Variants in PTER observed in about 807,000 individuals in gnomAD.
PTER encodes the protein N-acetyltaurine hydrolase.
A neutral mutation model predicts 29.6 loss-of-function variants in PTER; 38 were observed. The observed-to-expected ratio is 1.28, with a 90% CI of 0.99 to 1.68. PTER has a LOEUF of 1.68. Ranked by LOEUF, PTER falls within the 40% of genes most tolerant of loss-of-function variation. The pLI is 0.00. For missense variants in PTER, 482 were observed against 427.8 expected (o/e 1.13, Z -1.12); for synonymous variants, 172 against 154.5 (o/e 1.11, Z -0.84).
chr10:16,452,220 C>CACACACACACACAT (rs1282331852), intron 1 of PTER, among the ~76,000 whole-genome samples: 9 of 145,036 alleles, frequency 6.2e-5, no homozygotes, highest in East Asian at 2.0e-4. Context: ...CACACACACA[C>CACACACACACACAT]ATATATATAC....
chr10:16,488,286 C>G (rs939189585), intron 3 of PTER, among the ~76,000 whole-genome samples: 1 of 151,988 alleles, frequency 6.6e-6, no homozygotes, highest in Admixed American at 6.6e-5. Flanking sequence ...TTCTAACTCT[C>G]ATTGGTGTAA....
intron 4 of PTER, among the ~76,000 whole-genome samples, chr10:16,508,227 C>A (rs1836663560): frequency 6.6e-6 from 1 of 151,914 alleles, no homozygotes; most frequent in Admixed American, 6.6e-5. Flanking sequence ...CGCCACCACG[C>A]CCGGCTAATT....
chr10:16,459,013 G>GA (rs1834510155), intron 1 of PTER, among the ~76,000 whole-genome samples: 1 of 152,042 alleles, frequency 6.6e-6, no homozygotes. Flanking sequence ...AGTGCAAAGG[G>GA]AAAAAAGATT....
Position 16,466,285 on chromosome 10 carries a change from T to A in PTER, c.-48-18052T>A, listed in dbSNP as rs1332345291. Reference sequence around the variant, plus strand: ...CCCTGCTAGTGGCTGTCAGACCTTTTTCTGTTATAACTACCTTTTTTTTTT... The same window carrying A: ...CCCTGCTAGTGGCTGTCAGACCTTTATCTGTTATAACTACCTTTTTTTTTT... On this transcript the variant is annotated intron_variant, in intron 1 of 4. Coordinates refer to ENST00000535784, the MANE Select transcript of PTER (RefSeq NM_001261836.2). Among the ~76,000 whole-genome samples, 6 of 144,248 alleles carry A rather than the reference T, an allele frequency of 4.2e-5. No individual in the cohort carries two copies. In the East Asian group the frequency reaches 1.2e-3, roughly 30 times the overall value. 94.6% of individuals were successfully genotyped at this position (144,248 alleles called of 152,430 possible). A position where few individuals can be genotyped will look rare whatever the true frequency, so the allele number is the denominator to read the frequency against.
chr10:16,487,058 A>T (rs1327569013), intron 3 of PTER, among the ~76,000 whole-genome samples: 2 of 152,220 alleles, frequency 1.3e-5, no homozygotes, highest in African/African-American at 4.8e-5. Flanking sequence ...GAAAACCGCA[A>T]ATATAAATGT....
chr10:16,458,368 T>G (rs945222028), intron 1 of PTER, among the ~76,000 whole-genome samples: 1 of 152,166 alleles, frequency 6.6e-6, no homozygotes, highest in Non-Finnish European at 1.5e-5. Context: ...GTGATTGCAG[T>G]GTATGCATGG....
At chr10:16,486,112 T>C (rs1317334396) in intron 2 of PTER, among the ~76,000 whole-genome samples, 2 of 152,206 alleles carry the variant, frequency 1.3e-5, no homozygotes, top group Non-Finnish European at 1.5e-5. Flanking sequence ...CCTAAAGCTA[T>C]AAATTTCTTG....
At chr10:16,450,840 A>C (rs1834180929) in intron 1 of PTER, among the ~76,000 whole-genome samples, 1 of 152,188 alleles carries the variant, frequency 6.6e-6, no homozygotes, top group Non-Finnish European at 1.5e-5. Flanking sequence ...TTATGTACAG[A>C]GTCACTAAAC....
At chr10:16,502,881 C>T (rs949969551) in intron 3 of PTER, among the ~76,000 whole-genome samples, 2 of 148,828 alleles carry the variant, frequency 1.3e-5, no homozygotes, top group Admixed American at 6.8e-5. Context: ...CCCAGCTACT[C>T]GGGAGGCTGA....
At chr10:16,508,905 C>T (rs1031916014) in intron 4 of PTER, among the ~76,000 whole-genome samples, 4 of 152,136 alleles carry the variant, frequency 2.6e-5, no homozygotes, top group Admixed American at 2.0e-4. Flanking sequence ...TCTGAGCCAT[C>T]GTAGTCTTAA....
At chr10:16,508,421 G>A (rs561657120) in intron 4 of PTER, among the ~76,000 whole-genome samples, 2 of 152,060 alleles carry the variant, frequency 1.3e-5, no homozygotes, top group East Asian at 1.9e-4. Flanking sequence ...ACTCTGGATC[G>A]GCTTCCTTTT....
At chr10:16,448,396 G>C (rs1450681164) in intron 1 of PTER, among the ~76,000 whole-genome samples, 2 of 152,152 alleles carry the variant, frequency 1.3e-5, no homozygotes, top group Non-Finnish European at 2.9e-5. Flanking sequence ...AAATGGGTGG[G>C]AGTAACACAC....
chr10:16,465,446 C>G (rs1294872390), intron 1 of PTER, among the ~76,000 whole-genome samples: 1 of 152,106 alleles, frequency 6.6e-6, no homozygotes, highest in Non-Finnish European at 1.5e-5. Flanking sequence ...CTTCCTATGC[C>G]CTGAGAACTT....
At chr10:16,482,252 C>T (rs925582180) in intron 1 of PTER, among the ~76,000 whole-genome samples, 20 of 152,278 alleles carry the variant, frequency 1.3e-4, no homozygotes, top group Admixed American at 4.6e-4. Flanking sequence ...TATAAATTGG[C>T]CTACAATTCT....
intron 3 of PTER, among the ~76,000 whole-genome samples, chr10:16,496,778 G>A (rs1054694569): frequency 6.6e-6 from 1 of 152,118 alleles, no homozygotes; most frequent in African/African-American, 2.4e-5. Flanking sequence ...TTGCAAGTAG[G>A]TGATCAACAA....
At chr10:16,447,079 A>G (rs1244912482) in intron 1 of PTER, among the ~76,000 whole-genome samples, 1 of 149,470 alleles carries the variant, frequency 6.7e-6, no homozygotes, top group Non-Finnish European at 1.5e-5. Context: ...ATGAGATAGC[A>G]TACCCGGCCT....
chr10:16,467,408 T>C (rs899203338), intron 1 of PTER, among the ~76,000 whole-genome samples: 3 of 152,230 alleles, frequency 2.0e-5, no homozygotes, highest in Middle Eastern at 6.8e-3. Context: ...AGATTTTCTT[T>C]GGATAAGAGG....
At chr10:16,456,859 A>AGGCGCGG (rs775837340) in intron 1 of PTER, among the ~76,000 whole-genome samples, 1 of 56,134 alleles carries the variant, frequency 1.8e-5, no homozygotes, top group African/African-American at 1.1e-4. Flanking sequence ...ACCATGGGGA[A>AGGCGCGG]GGTGGGGGGG....
chr10:16,457,691 C>T (rs1564388868), intron 1 of PTER, among the ~76,000 whole-genome samples: 2 of 152,068 alleles, frequency 1.3e-5, no homozygotes, highest in African/African-American at 4.8e-5. Flanking sequence ...CCGCTGCCTC[C>T]CAGGTTCAAG....
Sources: allele counts gnomAD v4.1 joint callset (sites outside exome capture counted in the v4.1 genomes callset), GRCh38; gene constraint gnomAD v4.1.1; transcripts MANE v1.5; gene names NCBI Gene and HGNC (gene_info 2026-07-23, HGNC 2026-07-21).